TP53TG3D: variants seen among roughly 807,000 people sequenced by gnomAD.
TP53TG3D encodes TP53 target 3D, also known as TP53-target gene 3 protein.
For synonymous variants in TP53TG3D, 2 were observed against 56.9 expected (o/e 0.04, Z 4.34); for missense variants, 4 against 139.9 (o/e 0.03, Z 4.90).
At chr16:32,254,424 G>A in intron 1 of TP53TG3D, 2 of 1,529,450 alleles carry the variant, frequency 1.3e-6, no homozygotes, top group Non-Finnish European at 1.7e-6. Context: ...CCCCAGGAGT[G>A]CCGCTTGGAC....
chr16:32,254,764 G>T (rs1165035425), intron 1 of TP53TG3D, 127 bp from the exon 2 acceptor site: 1 of 1,571,538 alleles, frequency 6.4e-7, no homozygotes, highest in Non-Finnish European at 8.6e-7. Context: ...TAGTGTCTGC[G>T]CTTCTACCCT....
At chr16:32,254,834 A>G in intron 1 of TP53TG3D, 57 bp from the exon 2 acceptor site, 6 of 1,605,836 alleles carry the variant, frequency 3.7e-6, no homozygotes, top group Non-Finnish European at 5.1e-6. Flanking sequence ...ACCACTTTTA[A>G]TAGTTTTCTG....
Position 32,255,058 on chromosome 16 carries a change from A to G in TP53TG3D, c.*155A>G, listed in dbSNP as rs15688. On this transcript the variant is annotated 3_prime_UTR_variant, in exon 2 of 2. Transcript: ENST00000398664. ...AACAAATTTAAATAAGTTCTAAGGT[A>G]AAGAATGGAACATTTAAGACAAGTC... 1,559 of 1,492,442 alleles carry G rather than the reference A, an allele frequency of 1.0e-3. 27 individuals carry two copies. In the African/African-American group the frequency reaches 0.016, roughly 15 times the overall value. 92.4% of individuals were successfully genotyped at this position (1,492,442 alleles called of 1,614,324 possible).
At chr16:32,255,153 T>C (rs1567304468) in exon 2 of TP53TG3D, 8 of 767,312 alleles carry the variant, frequency 1.0e-5, no homozygotes, top group Admixed American at 5.7e-5. Flanking sequence ...ACAAAAACTC[T>C]AAGAACTTAT....
At chr16:32,255,205 T>A in exon 2 of TP53TG3D, 1 of 520,454 alleles carries the variant, frequency 1.9e-6, no homozygotes, top group Admixed American at 3.3e-5. Flanking sequence ...TCATATCAAG[T>A]CAATTGAAAG....
exon 2 of TP53TG3D, chr16:32,255,182 TA>T: frequency 1.7e-6 from 1 of 592,752 alleles, no homozygotes. Context: ...TTACAAATAG[TA>T]AAAATGATAA....
intron 1 of TP53TG3D, chr16:32,254,398 TCA>T (rs1962166305): frequency 6.5e-7 from 1 of 1,529,252 alleles, no homozygotes. Flanking sequence ...CTCTAGGCTG[TCA>T]CAAATTCTCT....
chr16:32,254,695 CAG>C (rs1205626681), intron 1 of TP53TG3D, 194 bp from the exon 2 acceptor site: 1 of 1,455,664 alleles, frequency 6.9e-7, no homozygotes, highest in African/African-American at 1.5e-5. Flanking sequence ...TCAGCAGGAC[CAG>C]AGCGCCCCTT....
intron 1 of TP53TG3D, 92 bp from the exon 2 acceptor site, chr16:32,254,797 AAT>A (rs1962183766): frequency 6.2e-7 from 1 of 1,607,748 alleles, no homozygotes; most frequent in Non-Finnish European, 8.5e-7. Flanking sequence ...CTTGGAAAAT[AAT>A]ATCTCTTTTT....
rs564118033 is a variant in TP53TG3D at position 32,254,912 on chromosome 16, C to T, written c.*9C>T. ...TAAGTTTTTCAGGTTAAGTACTGCA[C>T]GACTACTCGCTTCTGAAACTGATAG... On this transcript the variant is annotated 3_prime_UTR_variant, in exon 2 of 2. Coordinates refer to ENST00000398664, the Ensembl canonical transcript of TP53TG3D. 74 of 1,595,752 alleles carry T rather than the reference C, an allele frequency of 4.6e-5. 4 individuals carry two copies. Among genetic ancestry groups the T allele is most frequent in the Admixed American group, 3.7e-4 (22 of 59,106 alleles).
intron 1 of TP53TG3D, 182 bp from the exon 2 acceptor site, chr16:32,254,709 G>A: frequency 6.8e-7 from 1 of 1,463,806 alleles, no homozygotes; most frequent in Non-Finnish European, 9.0e-7. Context: ...GCGCCCCTTG[G>A]TCCCTCCCAA....
At chr16:32,254,920 C>T (rs758219428) in exon 2 of TP53TG3D, 30 of 1,592,284 alleles carry the variant, frequency 1.9e-5, no homozygotes, top group South Asian at 1.7e-4. Context: ...CACGACTACT[C>T]GCTTCTGAAA....
intron 1 of TP53TG3D, 197 bp from the exon 2 acceptor site, chr16:32,254,693 AC>A: frequency 1.4e-6 from 2 of 1,455,788 alleles, no homozygotes; most frequent in South Asian, 3.0e-5. Context: ...GGTCAGCAGG[AC>A]CAGAGCGCCC....
chr16:32,255,199 A>G (rs1426767699), exon 2 of TP53TG3D: 3 of 536,060 alleles, frequency 5.6e-6, no homozygotes, highest in Non-Finnish European at 1.0e-5. Flanking sequence ...GATAAATCAT[A>G]TCAAGTCAAT....
rs199822188 is a variant in TP53TG3D at position 32,254,885 on chromosome 16, A to G, written c.363-6A>G. 945 of 1,596,006 alleles carry G rather than the reference A, an allele frequency of 5.9e-4. 11 individuals carry two copies. Among genetic ancestry groups the G allele is most frequent in the Non-Finnish European group, 7.8e-4 (914 of 1,169,888 alleles). On this transcript the variant is annotated splice_polypyrimidine_tract_variant and splice_region_variant and intron_variant, in intron 1 of 1. Coordinates refer to ENST00000398664, the Ensembl canonical transcript of TP53TG3D. ...GATCATTCTCTTAATTCATGTTTCC[A>G]TTAAGTTTTTCAGGTTAAGTACTGC...
intron 1 of TP53TG3D, 104 bp from the exon 2 acceptor site, chr16:32,254,787 C>T (rs1962183113): frequency 5.6e-6 from 9 of 1,605,724 alleles, no homozygotes; most frequent in East Asian, 2.2e-5. Context: ...ATAGGGCTCC[C>T]TTGGAAAATA....
At chr16:32,255,322 G>A (rs1962201785) in exon 2 of TP53TG3D, 1 of 272,004 alleles carries the variant, frequency 3.7e-6, no homozygotes, top group African/African-American at 2.3e-5. Context: ...ATAGGTTTTT[G>A]AACAATTTTT....
chr16:32,254,842 C>T, intron 1 of TP53TG3D, 49 bp from the exon 2 acceptor site: 1 of 1,602,710 alleles, frequency 6.2e-7, no homozygotes, highest in Non-Finnish European at 8.5e-7. Context: ...TAATAGTTTT[C>T]TGATAGAACT....
At chr16:32,254,395 C>G in intron 1 of TP53TG3D, 1 of 1,529,306 alleles carries the variant, frequency 6.5e-7, no homozygotes. Flanking sequence ...GTTCTCTAGG[C>G]TGTCACAAAT....
Sources: gnomAD v4.1 joint callset for allele counts on GRCh38, gnomAD v4.1.1 for gene constraint, MANE v1.5 for transcripts, NCBI Gene and HGNC (gene_info 2026-07-23, HGNC 2026-07-21) for gene names.